Variants in BCKDHB observed in about 807,000 individuals in gnomAD.
The protein encoded by BCKDHB is branched chain keto acid dehydrogenase E1 subunit beta, also known as 2-oxoisovalerate dehydrogenase subunit beta, mitochondrial.
Under a neutral mutation model 48.5 loss-of-function variants are expected in BCKDHB, and 41 were observed. The ratio of observed to expected loss-of-function variants is 0.85; its 90% CI spans 0.66 to 1.10. The LOEUF is 1.10. Ranked by LOEUF, BCKDHB falls within the 50% of genes least tolerant of loss-of-function variation. BCKDHB has a pLI of 0.00. For missense variants in BCKDHB, 496 were observed against 494.2 expected (o/e 1.00, Z -0.03); for synonymous variants, 201 against 174.8 (o/e 1.15, Z -1.18).
upstream of BCKDHB, chr6:80,106,623 C>T (rs113448714): frequency 6.7e-4 from 1,013 of 1,507,038 alleles, 5 homozygotes; most frequent in African/African-American, 0.011. Flanking sequence ...GTGGAAGCCT[C>T]CTCGGGTGCT....
chr6:80,150,342 A>G (rs947397697), intron 3 of BCKDHB, among the ~76,000 whole-genome samples: 2 of 152,158 alleles, frequency 1.3e-5, no homozygotes, highest in African/African-American at 2.4e-5. Flanking sequence ...GATGCCCATA[A>G]TAGTGCCAAA....
rs903033776 is a variant in BCKDHB at position 80,107,033 on chromosome 6, AG to A, written c.196+147del. 4 of 1,070,054 alleles carry A rather than the reference AG, an allele frequency of 3.7e-6. No homozygotes were observed. In the African/African-American group the frequency reaches 6.3e-5, roughly 17 times the overall value. 66.3% of individuals were successfully genotyped at this position (1,070,054 alleles called of 1,614,324 possible). On this transcript the variant is annotated intron_variant, in intron 1 of 9. Coordinates refer to ENST00000320393, the MANE Select transcript of BCKDHB (RefSeq NM_183050.4). Reference sequence around the variant, plus strand: ...TGACTCTCTGGAACCTCCTTGCCTCAGGGTCTAACTGTGGTTCACTTCTTGC... The same window carrying A: ...TGACTCTCTGGAACCTCCTTGCCTCAGGTCTAACTGTGGTTCACTTCTTGC...
chr6:80,222,114 C>G (rs1775485908), intron 8 of BCKDHB, among the ~76,000 whole-genome samples: 1 of 152,162 alleles, frequency 6.6e-6, no homozygotes, highest in South Asian at 2.1e-4. Flanking sequence ...CCTTTCCCCA[C>G]TCTCAGGCTC....
chr6:80,443,248 A>G, the BCKDHB span: 4 of 152,080 alleles, frequency 2.6e-5, no homozygotes, highest in Non-Finnish European at 4.4e-5. Context: ...TTCTATTAAT[A>G]TATCTTCCTT....
intron 9 of BCKDHB, among the ~76,000 whole-genome samples, chr6:80,285,449 C>A (rs1333135104): frequency 1.3e-5 from 2 of 152,118 alleles, no homozygotes; most frequent in African/African-American, 4.8e-5. Flanking sequence ...CCTTTACTAA[C>A]CTATATCTAT....
At chr6:80,452,462 T>G in the BCKDHB span, among the ~76,000 whole-genome samples, 2 of 152,066 alleles carry the variant, frequency 1.3e-5, no homozygotes, top group African/African-American at 4.8e-5. Context: ...ATGCAGGGGA[T>G]ATAAGAATAA....
rs12526881 is a variant in BCKDHB at position 80,205,837 on chromosome 6, G to T, written c.951+2625G>T. ...GTGTGTGTGTGTGTGTGTGTGTGTA[G>T]GTGGATTGGCTTAAGAGAATCAGCT... On this transcript the variant is annotated intron_variant, in intron 8 of 9. Transcript: ENST00000320393. 6.2e-3 allele frequency among the ~76,000 whole-genome samples: 566 copies of T among 91,860 alleles called. 5 individuals carry two copies. The highest frequency in any genetic ancestry group is 0.022 in the African/African-American group (515 of 23,250). 60.3% of individuals were successfully genotyped at this position (91,860 alleles called of 152,430 possible). A position where few individuals can be genotyped will look rare whatever the true frequency, so the allele number is the denominator to read the frequency against.
At chr6:80,412,574 TAG>T in the BCKDHB span, among the ~76,000 whole-genome samples, 1 of 152,220 alleles carries the variant, frequency 6.6e-6, no homozygotes, top group East Asian at 1.9e-4. Flanking sequence ...ATTACAGTAT[TAG>T]AGTTTTTTGA....
At chr6:80,443,106 T>C in the BCKDHB span, among the ~76,000 whole-genome samples, 1 of 152,156 alleles carries the variant, frequency 6.6e-6, no homozygotes, top group Non-Finnish European at 1.5e-5. Context: ...CAAAGGGCAC[T>C]GTCAAGGCCA....
At chr6:80,217,137 G>T (rs1035829368) in intron 8 of BCKDHB, among the ~76,000 whole-genome samples, 2 of 152,106 alleles carry the variant, frequency 1.3e-5, no homozygotes, top group Non-Finnish European at 2.9e-5. Flanking sequence ...AGCTACTCGG[G>T]AGGCTGGGGC....
intron 8 of BCKDHB, among the ~76,000 whole-genome samples, chr6:80,230,524 T>C (rs1775883695): frequency 1.3e-5 from 2 of 152,156 alleles, no homozygotes; most frequent in South Asian, 4.1e-4. Flanking sequence ...TTTTTTTCTA[T>C]AAAGAGCCAG....
intron 6 of BCKDHB, among the ~76,000 whole-genome samples, chr6:80,175,405 A>G (rs1313468318): frequency 6.6e-6 from 1 of 152,198 alleles, no homozygotes; most frequent in Non-Finnish European, 1.5e-5. Flanking sequence ...GGAAATGGAT[A>G]TTGAGGGACA....
chr6:80,397,274 G>A, the BCKDHB span, among the ~76,000 whole-genome samples: 15,730 of 151,936 alleles, frequency 0.1, 2,351 homozygotes, highest in African/African-American at 0.33. Flanking sequence ...AGTTTCTCTT[G>A]TGACAATCAC....
intron 9 of BCKDHB, among the ~76,000 whole-genome samples, chr6:80,338,398 C>G (rs1444084480): frequency 6.6e-6 from 1 of 152,228 alleles, no homozygotes; most frequent in East Asian, 1.9e-4. Flanking sequence ...CCCCCGACCC[C>G]GGAACCAGCA....
At chr6:80,160,304 G>T (rs887039707) in intron 3 of BCKDHB, among the ~76,000 whole-genome samples, 3 of 152,002 alleles carry the variant, frequency 2.0e-5, no homozygotes, top group African/African-American at 7.2e-5. Flanking sequence ...TTACAGGCAT[G>T]CACCACCACA....
At chr6:80,151,895 T>C (rs937641790) in intron 3 of BCKDHB, among the ~76,000 whole-genome samples, 6 of 152,162 alleles carry the variant, frequency 3.9e-5, no homozygotes, top group East Asian at 1.9e-4. Context: ...TTTTCACTTA[T>C]AGTCAGGAAT....
At chr6:80,283,644 C>A (rs892479705) in intron 9 of BCKDHB, among the ~76,000 whole-genome samples, 3 of 151,938 alleles carry the variant, frequency 2.0e-5, no homozygotes, top group African/African-American at 4.8e-5. Context: ...GACTTGGTCC[C>A]TTTTTGTTGT....
the BCKDHB span, among the ~76,000 whole-genome samples, chr6:80,366,453 A>G: frequency 6.6e-6 from 1 of 152,218 alleles, no homozygotes; most frequent in African/African-American, 2.4e-5. Context: ...TAACGGTGAG[A>G]GAAAAAAATC....
intron 9 of BCKDHB, among the ~76,000 whole-genome samples, chr6:80,342,580 G>GAA (rs1769969153): frequency 9.7e-6 from 1 of 102,582 alleles, no homozygotes; most frequent in Non-Finnish European, 1.8e-5. Context: ...AAAAAAAAAA[G>GAA]AAAGGGAAGA....
Sources: allele counts gnomAD v4.1 joint callset (sites outside exome capture counted in the v4.1 genomes callset), GRCh38; gene constraint gnomAD v4.1.1; transcripts MANE v1.5; gene names NCBI Gene and HGNC (gene_info 2026-07-23, HGNC 2026-07-21).